The following EYA2 variants were observed in gnomAD, a reference collection of about 807,000 sequenced individuals.
EYA2 encodes protein phosphatase EYA2.
EYA2 carries 31 observed loss-of-function variants against 69.2 expected under a neutral mutation model. The ratio of observed to expected loss-of-function variants is 0.45; its 90% CI spans 0.34 to 0.60. EYA2 has a LOEUF of 0.60. Among genes scored for constraint, EYA2 ranks in the 20% least tolerant of loss-of-function variants. EYA2 has a pLI of 0.02. For synonymous variants in EYA2, 257 were observed against 279.4 expected (o/e 0.92, Z 0.80); for missense variants, 622 against 701.2 (o/e 0.89, Z 1.28).
intron 10 of EYA2, chr20:47,160,990 C>A: frequency 3.3e-6 from 1 of 298,562 alleles, no homozygotes; most frequent in South Asian, 4.4e-5. Flanking sequence ...GGTCGGGTAG[C>A]TGTAGGTCTT....
intron 8 of EYA2, among the ~76,000 whole-genome samples, chr20:47,092,187 T>C (rs1011172421): frequency 3.3e-5 from 5 of 152,230 alleles, no homozygotes; most frequent in African/African-American, 9.6e-5. Context: ...CTGGAAGATA[T>C]TAAATATCCT....
rs1276536889 is a variant in EYA2, at chr20:47,115,230, A to G, written c.888+18062A>G. Among the ~76,000 whole-genome samples the G allele has an allele frequency of 3.3e-5, 5 of 151,886 alleles. No individual in the cohort carries two copies. In the East Asian group the frequency reaches 5.8e-4, roughly 18 times the overall value. On this transcript the variant is annotated intron_variant, in intron 9 of 15. Transcript: ENST00000327619. ...TTGAAAATGCAAATCAGGCCCTGCA[A>G]TGACCCCCTCTTGCTGCCAGGGAAG...
At chr20:47,028,181 C>T (rs1208292470) in intron 5 of EYA2, among the ~76,000 whole-genome samples, 1 of 152,198 alleles carries the variant, frequency 6.6e-6, no homozygotes, top group Non-Finnish European at 1.5e-5. Flanking sequence ...TGACCATATG[C>T]AAGCCAGGAA....
intron 7 of EYA2, among the ~76,000 whole-genome samples, chr20:47,088,867 G>A (rs980454380): frequency 3.9e-5 from 6 of 152,158 alleles, no homozygotes; most frequent in East Asian, 3.9e-4. Context: ...AAGCCCCCAC[G>A]CCGGGCCCCC....
At chr20:46,914,748 G>A (rs185725458) in intron 1 of EYA2, among the ~76,000 whole-genome samples, 1 of 152,288 alleles carries the variant, frequency 6.6e-6, no homozygotes, top group African/African-American at 2.4e-5. Context: ...TGGGGACGCA[G>A]CCAAACCGTA....
At chr20:47,067,266 T>A (rs1301313059) in intron 5 of EYA2, among the ~76,000 whole-genome samples, 3 of 152,156 alleles carry the variant, frequency 2.0e-5, no homozygotes, top group Non-Finnish European at 2.9e-5. Context: ...GGTGGCTTCC[T>A]AAGCTTTTGC....
intron 9 of EYA2, among the ~76,000 whole-genome samples, chr20:47,138,750 A>C (rs1237781676): frequency 7.2e-6 from 1 of 139,696 alleles, no homozygotes; most frequent in African/African-American, 2.7e-5. Context: ...ACCCTGTCTC[A>C]AAAAAAAAAA....
chr20:47,035,197 A>G (rs1194718041), intron 5 of EYA2, among the ~76,000 whole-genome samples: 1 of 152,144 alleles, frequency 6.6e-6, no homozygotes, highest in Admixed American at 6.5e-5. Flanking sequence ...CTTAGCAAAA[A>G]TTGAAACCAC....
chr20:46,962,296 G>A (rs577443313), intron 1 of EYA2, among the ~76,000 whole-genome samples: 40 of 152,240 alleles, frequency 2.6e-4, no homozygotes, highest in Middle Eastern at 3.4e-3. Context: ...CAAAGTTTTG[G>A]AATTACAGGC....
chr20:46,994,370 G>A (rs1318433466), intron 2 of EYA2, among the ~76,000 whole-genome samples: 1 of 152,190 alleles, frequency 6.6e-6, no homozygotes, highest in Admixed American at 6.5e-5. Flanking sequence ...GGAAGGGGTG[G>A]TGGGGAGTTC....
intron 1 of EYA2, among the ~76,000 whole-genome samples, chr20:46,917,336 T>A (rs2146232656): frequency 6.6e-6 from 1 of 152,354 alleles, no homozygotes; most frequent in African/African-American, 2.4e-5. Flanking sequence ...GGGGAATTAC[T>A]GTCCCCATTT....
intron 1 of EYA2, among the ~76,000 whole-genome samples, chr20:46,932,003 C>T (rs1186592402): frequency 6.6e-6 from 1 of 150,898 alleles, no homozygotes; most frequent in Non-Finnish European, 1.5e-5. Context: ...AGGGTGCCAG[C>T]CCGGCAGCCA....
At chr20:47,110,099 C>A (rs2032706482) in intron 9 of EYA2, among the ~76,000 whole-genome samples, 1 of 152,126 alleles carries the variant, frequency 6.6e-6, no homozygotes, top group Non-Finnish European at 1.5e-5. Flanking sequence ...CATTTAATCC[C>A]CACCATGAAT....
At chr20:46,912,685 T>A (rs1984702035) in intron 1 of EYA2, among the ~76,000 whole-genome samples, 1 of 69,646 alleles carries the variant, frequency 1.4e-5, no homozygotes, top group African/African-American at 4.0e-5. Context: ...GAGGAATTTT[T>A]AATTTTTTTT....
At chr20:47,158,029 A>G (rs1243247246) in intron 10 of EYA2, among the ~76,000 whole-genome samples, 1 of 152,018 alleles carries the variant, frequency 6.6e-6, no homozygotes, top group Non-Finnish European at 1.5e-5. Flanking sequence ...CTGCGATCCC[A>G]GCACCTACCT....
intron 9 of EYA2, among the ~76,000 whole-genome samples, chr20:47,102,907 G>T (rs960814332): frequency 5.9e-5 from 9 of 151,366 alleles, no homozygotes; most frequent in Non-Finnish European, 1.3e-4. Context: ...CTGGTATTAG[G>T]CAAATGCAAG....
chr20:47,066,968 G>T (rs2031132761), intron 5 of EYA2, among the ~76,000 whole-genome samples: 1 of 152,140 alleles, frequency 6.6e-6, no homozygotes, highest in African/African-American at 2.4e-5. Flanking sequence ...GACTTCAGGG[G>T]CCACGTGCCC....
At chr20:47,133,147 A>T (rs3827056) in intron 9 of EYA2, among the ~76,000 whole-genome samples, 3,365 of 152,042 alleles carry the variant, frequency 0.022, 117 homozygotes, top group East Asian at 0.09. Context: ...CAGCTCCCTA[A>T]ATATTTTCAT....
intron 1 of EYA2, among the ~76,000 whole-genome samples, chr20:46,946,106 G>A (rs988559368): frequency 3.9e-5 from 6 of 152,236 alleles, no homozygotes; most frequent in Admixed American, 2.6e-4. Context: ...GGCCTTGGTT[G>A]TCCTCCTCCA....
Sources: allele counts gnomAD v4.1 joint callset (sites outside exome capture counted in the v4.1 genomes callset), GRCh38; gene constraint gnomAD v4.1.1; transcripts MANE v1.5; gene names NCBI Gene and HGNC (gene_info 2026-07-23, HGNC 2026-07-21).